Variants in TSHZ2 observed in about 807,000 individuals in gnomAD.
The protein encoded by TSHZ2 is teashirt zinc finger homeobox 2, also known as teashirt homolog 2.
TSHZ2 carries 21 observed loss-of-function variants against 74.4 expected under a neutral mutation model. The ratio of observed to expected loss-of-function variants is 0.28; its 90% CI spans 0.20 to 0.41. The LOEUF (loss-of-function observed/expected upper bound fraction) is 0.41. TSHZ2 is among the 10% of genes least tolerant of loss of function. The probability of loss-of-function intolerance (pLI) is 1.00; values close to 1 mark genes in which losing one functional copy is unlikely to be tolerated. For missense variants in TSHZ2, 1,244 were observed against 1,293.5 expected (o/e 0.96, Z 0.59); for synonymous variants, 540 against 515.3 (o/e 1.05, Z -0.65).
intron 1 of TSHZ2, among the ~76,000 whole-genome samples, chr20:53,160,337 C>T (rs913327778): frequency 6.6e-6 from 1 of 152,142 alleles, no homozygotes; most frequent in Non-Finnish European, 1.5e-5. Flanking sequence ...ACATCAAATC[C>T]CTTATGGCTA....
intron 1 of TSHZ2, among the ~76,000 whole-genome samples, chr20:53,083,327 A>G (rs2123236047): frequency 6.6e-6 from 1 of 152,258 alleles, no homozygotes; most frequent in East Asian, 1.9e-4. Flanking sequence ...TTCCTTAGGG[A>G]GGTAAATAAG....
intron 1 of TSHZ2, among the ~76,000 whole-genome samples, chr20:53,020,201 G>A (rs916202034): frequency 1.3e-5 from 2 of 152,186 alleles, no homozygotes; most frequent in African/African-American, 4.8e-5. Context: ...TGAGATTCGG[G>A]TGGGGACACA....
At chr20:53,420,983 A>G (rs967513971) in intron 2 of TSHZ2, among the ~76,000 whole-genome samples, 2 of 152,242 alleles carry the variant, frequency 1.3e-5, no homozygotes, top group African/African-American at 2.4e-5. Context: ...TCACAGAGCT[A>G]CGTTTCAATG....
chr20:53,042,747 A>C lies in TSHZ2; in HGVS notation c.40+69414A>C, dbSNP rs1158508708. On this transcript the variant is annotated intron_variant, in intron 1 of 2. Transcript: ENST00000371497. ...GGAATTCCAAGCTTCCAAGGCTACC[A>C]AGGAGGCTAAAACATCTATTGGGGA... Among the ~76,000 whole-genome samples the C allele has an allele frequency of 2.6e-5, 4 of 151,942 alleles. No homozygotes were observed. In the South Asian group the frequency reaches 6.2e-4, roughly 24 times the overall value.
At chr20:53,075,208 A>G (rs1166760254) in intron 1 of TSHZ2, among the ~76,000 whole-genome samples, 1 of 152,234 alleles carries the variant, frequency 6.6e-6, no homozygotes. Context: ...CTACTGAGTA[A>G]TGCAAATAAA....
intron 1 of TSHZ2, among the ~76,000 whole-genome samples, chr20:53,117,764 A>C (rs1986710004): frequency 6.6e-6 from 1 of 152,196 alleles, no homozygotes; most frequent in Non-Finnish European, 1.5e-5. Flanking sequence ...TCATGGCAAA[A>C]AGCAAGTGCA....
At chr20:53,250,315 A>T (rs768428025) in intron 1 of TSHZ2, among the ~76,000 whole-genome samples, 14 of 152,212 alleles carry the variant, frequency 9.2e-5, no homozygotes, top group Non-Finnish European at 1.3e-4. Context: ...GACTTACACA[A>T]GATGCAATCT....
At chr20:53,410,832 C>G (rs1003201324) in intron 2 of TSHZ2, among the ~76,000 whole-genome samples, 1 of 151,760 alleles carries the variant, frequency 6.6e-6, no homozygotes, top group African/African-American at 2.4e-5. Context: ...TGCACCAGGA[C>G]GCCTGGGTAA....
rs897892182 is a variant in TSHZ2 at position 53,074,159 on chromosome 20, A to G, written c.40+100826A>G. ...TATGTATCTTTTAAACTGCTGTTCA[A>G]ATGTCGCCTTCTCAATGGAGCCCTC... On this transcript the variant is annotated intron_variant, in intron 1 of 2. Coordinates refer to ENST00000371497, the MANE Select transcript of TSHZ2 (RefSeq NM_173485.6). The surrounding 1 kb of genome is among the most constrained non-coding windows in gnomAD (Gnocchi z 5.9). Among the ~76,000 whole-genome samples the G allele has an allele frequency of 3.9e-5, 6 of 152,198 alleles. No individual in the cohort carries two copies. Among genetic ancestry groups the G allele is most frequent in the African/African-American group, 1.4e-4 (6 of 41,448 alleles).
chr20:53,318,428 T>A (rs753914748), intron 2 of TSHZ2, among the ~76,000 whole-genome samples: 1 of 152,184 alleles, frequency 6.6e-6, no homozygotes, highest in Non-Finnish European at 1.5e-5. Context: ...TTTGCATGAT[T>A]TCTCAGGGCC....
At chr20:53,348,098 A>G (rs1397376376) in intron 2 of TSHZ2, among the ~76,000 whole-genome samples, 2 of 152,202 alleles carry the variant, frequency 1.3e-5, no homozygotes, top group African/African-American at 4.8e-5. Flanking sequence ...TGGTTCCTCA[A>G]TAAGATAAAC....
intron 1 of TSHZ2, among the ~76,000 whole-genome samples, chr20:53,206,359 C>A: frequency 6.6e-6 from 1 of 152,228 alleles, no homozygotes; most frequent in South Asian, 2.1e-4. Flanking sequence ...AGTACAGTAG[C>A]CATTATTACT....
In TSHZ2 at chr20:53,254,646, C is replaced by A. The variant is rs778040743; in HGVS notation, c.1188C>A (p.Thr396=). 1.9e-6 allele frequency: 3 copies of A among 1,614,154 alleles called. No homozygotes were observed. The highest frequency in any genetic ancestry group is 4.5e-5 in the East Asian group (2 of 44,876). The change falls in exon 2 of 3, where the codon ACC becomes ACA. Residue 396 remains threonine, a synonymous_variant. Transcript: ENST00000371497. Reference sequence around the variant, plus strand: ...CCCATGACACCTTGCAGCAGCTCACCACCCACATGATGGTCACAGGTCACT... The same window carrying A: ...CCCATGACACCTTGCAGCAGCTCACAACCCACATGATGGTCACAGGTCACT... The part of the protein sequence containing the change: ...GSSHDTLQQL[T]THMMVTGHFL...
chr20:53,393,644 T>A (rs1317235136), intron 2 of TSHZ2, among the ~76,000 whole-genome samples: 1 of 147,380 alleles, frequency 6.8e-6, no homozygotes, highest in African/African-American at 2.5e-5. Context: ...AGGGACAAAG[T>A]TGCATAGAAC....
chr20:53,353,960 G>A (rs1468997125), intron 2 of TSHZ2, among the ~76,000 whole-genome samples: 1 of 152,202 alleles, frequency 6.6e-6, no homozygotes, highest in Non-Finnish European at 1.5e-5. Context: ...CTAAAACCAA[G>A]ACAATATCAG....
At chr20:52,980,217 A>T (rs918565798) in intron 1 of TSHZ2, among the ~76,000 whole-genome samples, 4 of 152,250 alleles carry the variant, frequency 2.6e-5, no homozygotes, top group Non-Finnish European at 5.9e-5. Flanking sequence ...TTGCGGCAGG[A>T]TAAGAAGACA....
In TSHZ2 at chr20:52,973,111, G is replaced by A. The variant is rs979878306; in HGVS notation, c.-183G>A. On this transcript the variant is annotated 5_prime_UTR_variant, in exon 1 of 3. Transcript: ENST00000371497. ...CCACCCGTGTCTGCCACCCAGAGAG[G>A]GGGGTCTCTGGCCCGTGGTGGAGGA... 114 of 663,082 alleles carry A rather than the reference G, an allele frequency of 1.7e-4. No individual in the cohort carries two copies. Among genetic ancestry groups the A allele is most frequent in the Non-Finnish European group, 2.5e-4 (102 of 402,938 alleles). 41.1% of individuals were successfully genotyped at this position (663,082 alleles called of 1,614,324 possible).
intron 2 of TSHZ2, among the ~76,000 whole-genome samples, chr20:53,322,810 C>T (rs1022604786): frequency 5.3e-5 from 8 of 152,204 alleles, no homozygotes; most frequent in South Asian, 4.1e-4. Context: ...CCACGTAAAA[C>T]GCTAGCCTAC....
At chr20:52,976,350 T>G (rs1475624547) in intron 1 of TSHZ2, among the ~76,000 whole-genome samples, 1 of 152,208 alleles carries the variant, frequency 6.6e-6, no homozygotes, top group Non-Finnish European at 1.5e-5. Flanking sequence ...ACCATACTAT[T>G]ACTTAGGGCA....
Sources: gnomAD v4.1 joint callset for allele counts (sites outside exome capture counted in the v4.1 genomes callset) on GRCh38, gnomAD v4.1.1 for gene constraint, Gnocchi (gnomAD v3.1) non-coding constraint, MANE v1.5 for transcripts, NCBI Gene and HGNC (gene_info 2026-07-23, HGNC 2026-07-21) for gene names.